Variants in NBDY observed in about 807,000 individuals in gnomAD.
NBDY encodes negative regulator of P-body association, also known as P-body dissociating protein.
At chrX:56,761,121 G>A (rs1049742641) in intron 2 of NBDY, among the ~76,000 whole-genome samples, 1 of 112,280 alleles carries the variant, frequency 8.9e-6, no homozygotes, top group African/African-American at 3.2e-5. Flanking sequence ...AGAGGTCTCC[G>A]TTTTTAACGT....
rs2069787512 is a variant in NBDY, at chrX:56,795,549, G to C, written c.*167-21771G>C. 5.3e-5 allele frequency among the ~76,000 whole-genome samples: 6 copies of C among 112,204 alleles called. No homozygotes were observed. The South Asian group carries it at 2.2e-3, about 41-fold the overall frequency. The stretch of plus-strand genomic sequence containing the variant: ...TTGCTTGTTACAAGTCTTTCTTGAT[G>C]TGTAGGCTGCACTGGGAACAGGCAG... On this transcript the variant is annotated intron_variant, in intron 2 of 2. Coordinates refer to ENST00000374922, the MANE Select transcript of NBDY (RefSeq NM_001348129.2).
chrX:56,758,728 G>A (rs942072603), intron 2 of NBDY, among the ~76,000 whole-genome samples: 2 of 111,905 alleles, frequency 1.8e-5, no homozygotes, highest in Non-Finnish European at 3.8e-5. Flanking sequence ...TGGTGGGTGT[G>A]GAAGTGGAGG....
chrX:56,801,428 C>T (rs2069822001), intron 2 of NBDY, among the ~76,000 whole-genome samples: 1 of 109,473 alleles, frequency 9.1e-6, no homozygotes, highest in African/African-American at 3.3e-5. Flanking sequence ...GCGGGTCAAG[C>T]ATTATACTGA....
At chrX:56,763,112 TCTC>T (rs935930680) in intron 2 of NBDY, among the ~76,000 whole-genome samples, 4 of 112,617 alleles carry the variant, frequency 3.6e-5, no homozygotes, top group Admixed American at 2.8e-4. Flanking sequence ...ACTCTCGCCT[TCTC>T]CTGAGAATCA....
At chrX:56,753,323 A>C (rs1463254695) in intron 2 of NBDY, among the ~76,000 whole-genome samples, 2 of 112,473 alleles carry the variant, frequency 1.8e-5, no homozygotes, top group Non-Finnish European at 3.8e-5. Context: ...ATAGGGCTTG[A>C]ATTAAACTTA....
At chrX:56,781,460 G>A (rs184501637) in intron 2 of NBDY, among the ~76,000 whole-genome samples, 1 of 111,594 alleles carries the variant, frequency 9.0e-6, no homozygotes, top group African/African-American at 3.3e-5. Context: ...CGGGATTTAG[G>A]GGCTTATGCT....
At chrX:56,781,263 A>G (rs755515193) in intron 2 of NBDY, among the ~76,000 whole-genome samples, 1 of 112,010 alleles carries the variant, frequency 8.9e-6, no homozygotes, top group South Asian at 3.8e-4. Flanking sequence ...GTTTCCCGTC[A>G]TCTAAGCAAC....
chrX:56,811,825 G>T (rs186796166), intron 2 of NBDY, among the ~76,000 whole-genome samples: 418 of 112,089 alleles, frequency 3.7e-3, no homozygotes, highest in African/African-American at 0.012. Context: ...AACTTTTGTG[G>T]CTAGCTTGGT....
chrX:56,789,677 C>A (rs1019250511), intron 2 of NBDY, among the ~76,000 whole-genome samples: 9 of 111,599 alleles, frequency 8.1e-5, no homozygotes, highest in Admixed American at 5.7e-4. Context: ...TCAGCTACCT[C>A]TCTCTCTGGA....
At chrX:56,760,166 G>A (rs1020942215) in intron 2 of NBDY, among the ~76,000 whole-genome samples, 1 of 113,021 alleles carries the variant, frequency 8.8e-6, no homozygotes, top group South Asian at 3.6e-4. Context: ...TTTGAACCCC[G>A]GTGGGGGGAA....
intron 2 of NBDY, among the ~76,000 whole-genome samples, chrX:56,786,560 TCTCCTTCTCCTC>T (rs1205716005): frequency 9.1e-6 from 1 of 110,421 alleles, no homozygotes; most frequent in South Asian, 3.9e-4. Flanking sequence ...ATCCTCTTCT[TCTCCTTCTCCTC>T]CTCCTTCTCC....
intron 2 of NBDY, among the ~76,000 whole-genome samples, chrX:56,804,517 C>G (rs1306978112): frequency 8.9e-6 from 1 of 112,394 alleles, no homozygotes; most frequent in East Asian, 2.8e-4. Context: ...CCCCGGGCAT[C>G]TTAGTCATTC....
At chrX:56,730,964 A>G (rs1042346288) in intron 1 of NBDY, among the ~76,000 whole-genome samples, 5 of 111,199 alleles carry the variant, frequency 4.5e-5, no homozygotes, top group African/African-American at 1.6e-4. Context: ...TGCAATGGGT[A>G]GGAATTATTC....
intron 2 of NBDY, among the ~76,000 whole-genome samples, chrX:56,751,808 G>A (rs1447886660): frequency 1.8e-5 from 2 of 111,966 alleles, no homozygotes; most frequent in African/African-American, 6.5e-5. Context: ...ACTTGTAGGG[G>A]CTACATACGC....
intron 2 of NBDY, among the ~76,000 whole-genome samples, chrX:56,746,836 C>T (rs997585928): frequency 2.7e-5 from 3 of 111,796 alleles, no homozygotes; most frequent in African/African-American, 9.8e-5. Context: ...CCCTCTCATA[C>T]TTAGAATTTC....
chrX:56,815,222 G>C (rs186845856), intron 2 of NBDY, among the ~76,000 whole-genome samples: 1 of 111,486 alleles, frequency 9.0e-6, no homozygotes, highest in Non-Finnish European at 1.9e-5. Context: ...ATACAGTATA[G>C]TATCTGGTAA....
chrX:56,735,907 A>G (rs1317246261), intron 2 of NBDY, among the ~76,000 whole-genome samples: 2 of 108,153 alleles, frequency 1.8e-5, no homozygotes, highest in Non-Finnish European at 3.8e-5. Context: ...GAAAATTGAC[A>G]TGATTTCAAG....
intron 1 of NBDY, among the ~76,000 whole-genome samples, chrX:56,730,513 CAAAAAAAAAAAAA>C (rs1157131797): frequency 1.3e-3 from 15 of 11,215 alleles, no homozygotes; most frequent in Non-Finnish European, 2.1e-3. Flanking sequence ...AACTACGTCT[CAAAAAAAAAAAAA>C]AAAAAAAAAA....
At chrX:56,752,487 T>C (rs1332223461) in intron 2 of NBDY, among the ~76,000 whole-genome samples, 25 of 111,760 alleles carry the variant, frequency 2.2e-4, no homozygotes, top group Non-Finnish European at 7.5e-5. Context: ...TTTGAAGCCT[T>C]ATCAGTACCT....
Sources: gnomAD v4.1 joint callset for allele counts (sites outside exome capture counted in the v4.1 genomes callset) on GRCh38, gnomAD v4.1.1 for gene constraint, MANE v1.5 for transcripts, NCBI Gene and HGNC (gene_info 2026-07-23, HGNC 2026-07-21) for gene names.